Variants in ENOX1 observed in about 807,000 individuals in gnomAD.
ENOX1 encodes candidate growth-related and time keeping constitutive hydroquinone (NADH) oxidase.
Under a neutral mutation model 82.5 loss-of-function variants are expected in ENOX1, and 42 were observed. The ratio of observed to expected loss-of-function variants is 0.51; its 90% CI spans 0.40 to 0.66. ENOX1 has a LOEUF of 0.66. Ranked by LOEUF, ENOX1 falls within the 30% of genes least tolerant of loss-of-function variation. ENOX1 has a pLI of 0.00. For missense variants in ENOX1, 608 were observed against 811.6 expected (o/e 0.75, Z 3.05); for synonymous variants, 271 against 282.2 (o/e 0.96, Z 0.40).
intron 6 of ENOX1, 71 bp downstream of exon 6, chr13:43,361,208 G>T: frequency 6.7e-7 from 1 of 1,489,600 alleles, no homozygotes; most frequent in Non-Finnish European, 9.2e-7. Flanking sequence ...GAAAATGACT[G>T]CAATGCCATT....
intron 1 of ENOX1, among the ~76,000 whole-genome samples, chr13:43,685,452 G>A (rs1045526009): frequency 7.2e-5 from 11 of 152,250 alleles, no homozygotes; most frequent in African/African-American, 2.6e-4. Flanking sequence ...ACAGCCATGT[G>A]CGTACCTCGC....
intron 2 of ENOX1, among the ~76,000 whole-genome samples, chr13:43,621,090 A>C (rs1350422401): frequency 1.3e-5 from 2 of 152,168 alleles, no homozygotes; most frequent in African/African-American, 2.4e-5. Flanking sequence ...GTCCATTTGC[A>C]TGAAATGCCT....
At chr13:43,233,932 T>C (rs754010857) in intron 15 of ENOX1, among the ~76,000 whole-genome samples, 1 of 152,158 alleles carries the variant, frequency 6.6e-6, no homozygotes, top group African/African-American at 2.4e-5. Context: ...TTATGACTGC[T>C]CCAGATGTAC....
intron 2 of ENOX1, among the ~76,000 whole-genome samples, chr13:43,583,590 T>C (rs1361946900): frequency 6.6e-6 from 1 of 152,170 alleles, no homozygotes; most frequent in Non-Finnish European, 1.5e-5. Flanking sequence ...AAATATCCTA[T>C]CTACCCATAA....
At chr13:43,454,155 A>G (rs973737996) in intron 3 of ENOX1, among the ~76,000 whole-genome samples, 2 of 152,140 alleles carry the variant, frequency 1.3e-5, no homozygotes, top group East Asian at 1.9e-4. Context: ...ATATATGCCT[A>G]TAGTTTAAAA....
chr13:43,453,890 G>T (rs773452447), intron 3 of ENOX1, among the ~76,000 whole-genome samples: 9 of 152,286 alleles, frequency 5.9e-5, no homozygotes, highest in Non-Finnish European at 1.0e-4. Flanking sequence ...TTAGTTTAAA[G>T]AAAGAATGTG....
At chr13:43,747,134 C>A (rs1950065011) in intron 1 of ENOX1, among the ~76,000 whole-genome samples, 1 of 152,116 alleles carries the variant, frequency 6.6e-6, no homozygotes, top group South Asian at 2.1e-4. Context: ...ACATCACAAC[C>A]CGTACCACTT....
At chr13:43,333,601 T>C (rs1453232457) in intron 9 of ENOX1, among the ~76,000 whole-genome samples, 1 of 152,218 alleles carries the variant, frequency 6.6e-6, no homozygotes, top group Non-Finnish European at 1.5e-5. Flanking sequence ...CCTTAGTGGT[T>C]ATGAAAATCA....
At chr13:43,221,018 C>T (rs1007011768) in intron 16 of ENOX1, among the ~76,000 whole-genome samples, 9 of 152,216 alleles carry the variant, frequency 5.9e-5, no homozygotes, top group South Asian at 2.1e-4. Flanking sequence ...TACAGAAGTG[C>T]GAATGATTCT....
At chr13:43,601,702 G>T (rs553870996) in intron 2 of ENOX1, among the ~76,000 whole-genome samples, 187 of 152,196 alleles carry the variant, frequency 1.2e-3, no homozygotes, top group African/African-American at 3.6e-3. Context: ...GTACAAGAAG[G>T]TTACAGAACA....
At chr13:43,284,723 C>G (rs771381337) in intron 12 of ENOX1, among the ~76,000 whole-genome samples, 2 of 150,994 alleles carry the variant, frequency 1.3e-5, no homozygotes, top group Non-Finnish European at 2.9e-5. Context: ...ATACTTTCTT[C>G]TTTATTTTCT....
chr13:43,687,420 C>T (rs945622235), intron 1 of ENOX1, among the ~76,000 whole-genome samples: 1 of 152,136 alleles, frequency 6.6e-6, no homozygotes, highest in Non-Finnish European at 1.5e-5. Context: ...GAATGAGTGT[C>T]GTATGTGTGG....
At chr13:43,779,976 G>A (rs9525843) in intron 1 of ENOX1, among the ~76,000 whole-genome samples, 96,525 of 151,774 alleles carry the variant, frequency 0.64, 33,836 homozygotes, top group Non-Finnish European at 0.8. Flanking sequence ...CCAACACAGT[G>A]AAACCCCATC....
intron 12 of ENOX1, among the ~76,000 whole-genome samples, chr13:43,271,743 C>G (rs2044696859): frequency 6.6e-6 from 1 of 152,022 alleles, no homozygotes; most frequent in African/African-American, 2.4e-5. Flanking sequence ...CTTTTAGCCT[C>G]CCTCTTATCT....
At chr13:43,676,241 C>A (rs989119889) in intron 1 of ENOX1, among the ~76,000 whole-genome samples, 4 of 152,070 alleles carry the variant, frequency 2.6e-5, no homozygotes, top group Admixed American at 2.6e-4. Context: ...AACACTAGAA[C>A]CAAAGAGTTC....
At chr13:43,577,624 T>C (rs190055721) in intron 2 of ENOX1, among the ~76,000 whole-genome samples, 94 of 152,240 alleles carry the variant, frequency 6.2e-4, no homozygotes, top group Admixed American at 2.0e-3. Context: ...ACTAACCCAT[T>C]CATGAGAATG....
intron 1 of ENOX1, among the ~76,000 whole-genome samples, chr13:43,756,036 A>G (rs755341888): frequency 6.6e-6 from 1 of 152,250 alleles, no homozygotes; most frequent in Non-Finnish European, 1.5e-5. Flanking sequence ...TAAGCAGGCT[A>G]TAAATATATG....
At chr13:43,709,671 A>G (rs976262512) in intron 1 of ENOX1, among the ~76,000 whole-genome samples, 13 of 152,130 alleles carry the variant, frequency 8.5e-5, no homozygotes, top group African/African-American at 1.2e-4. Context: ...CCTAAATTAT[A>G]CATAGTTCAA....
intron 9 of ENOX1, among the ~76,000 whole-genome samples, chr13:43,335,989 A>G (rs1484507984): frequency 6.6e-6 from 1 of 152,224 alleles, no homozygotes; most frequent in East Asian, 1.9e-4. Flanking sequence ...ATGCATTGGC[A>G]AATACAGCCA....
Sources: gnomAD v4.1 joint callset for allele counts (sites outside exome capture counted in the v4.1 genomes callset) on GRCh38, gnomAD v4.1.1 for gene constraint, MANE v1.5 for transcripts, NCBI Gene and HGNC (gene_info 2026-07-23, HGNC 2026-07-21) for gene names.